HNRNPA1L2: variants seen among roughly 807,000 people sequenced by gnomAD.
The protein encoded by HNRNPA1L2 is heterogeneous nuclear ribonucleoprotein A1 like 2.
In HNRNPA1L2, 10 loss-of-function variants were observed where a neutral mutation model predicts 18.2. That is an observed-to-expected ratio of 0.55 (90% CI 0.34 to 0.93). The LOEUF is 0.93. HNRNPA1L2 is among the 40% of genes least tolerant of loss of function. HNRNPA1L2 has a pLI of 0.02. For missense variants in HNRNPA1L2, 308 were observed against 394.4 expected (o/e 0.78, Z 1.85); for synonymous variants, 124 against 138.6 (o/e 0.89, Z 0.74).
chr13:52,621,276 C>T, the HNRNPA1L2 span, among the ~76,000 whole-genome samples: 4 of 152,148 alleles, frequency 2.6e-5, no homozygotes, highest in African/African-American at 7.2e-5. Context: ...TTATAGCCAT[C>T]GATTATTTTC....
the HNRNPA1L2 span, among the ~76,000 whole-genome samples, chr13:52,630,874 G>A: frequency 1.5e-3 from 227 of 152,302 alleles, no homozygotes; most frequent in Non-Finnish European, 2.0e-3. Flanking sequence ...AACTGAGTCA[G>A]TTAATACCGG....
At chr13:52,623,863 C>T in the HNRNPA1L2 span, among the ~76,000 whole-genome samples, 1 of 152,198 alleles carries the variant, frequency 6.6e-6, no homozygotes, top group South Asian at 2.1e-4. Context: ...CGGGGAAGGC[C>T]AGTCTGTGCT....
the HNRNPA1L2 span, among the ~76,000 whole-genome samples, chr13:52,635,204 T>C: frequency 1.3e-5 from 2 of 152,022 alleles, no homozygotes; most frequent in Non-Finnish European, 2.9e-5. Context: ...TAGAAACCGA[T>C]TCAGAAAAAG....
chr13:52,643,723 T>G lies in HNRNPA1L2; in HGVS notation c.*268T>G, dbSNP rs796921596. 13 of 515,946 alleles carry G rather than the reference T, an allele frequency of 2.5e-5. No homozygotes were observed. The highest frequency in any genetic ancestry group is 2.5e-4 in the African/African-American group (13 of 51,890). 32.0% of individuals were successfully genotyped at this position (515,946 alleles called of 1,614,324 possible). On this transcript the variant is annotated 3_prime_UTR_variant, in exon 1 of 1. Transcript: ENST00000357495. ...GTGTTTTAATGTAGATTTTTTTTTT[T>G]GCACCCATGCTGTTGATTGCTAAAT...
the HNRNPA1L2 span, among the ~76,000 whole-genome samples, chr13:52,631,789 T>C: frequency 6.6e-6 from 1 of 152,196 alleles, no homozygotes; most frequent in East Asian, 1.9e-4. Context: ...CATAAAACAG[T>C]TGATTATCAA....
At chr13:52,638,001 T>C (rs556933002), upstream of HNRNPA1L2, among the ~76,000 whole-genome samples, 2 of 152,266 alleles carry the variant, frequency 1.3e-5, no homozygotes, top group South Asian at 2.1e-4. Flanking sequence ...ATAATTCTTA[T>C]ACAAAAACAA....
chr13:52,640,039 C>T (rs1961606143), upstream of HNRNPA1L2, among the ~76,000 whole-genome samples: 4 of 152,134 alleles, frequency 2.6e-5, no homozygotes, highest in South Asian at 8.3e-4. Context: ...TCCCAGGGTT[C>T]AAGCAATCCT....
the HNRNPA1L2 span, among the ~76,000 whole-genome samples, chr13:52,634,861 A>G: frequency 6.6e-6 from 1 of 152,190 alleles, no homozygotes; most frequent in African/African-American, 2.4e-5. Context: ...GAGGGTTAGT[A>G]TGTACATCTG....
the HNRNPA1L2 span, among the ~76,000 whole-genome samples, chr13:52,628,494 A>T: frequency 6.6e-6 from 1 of 152,220 alleles, no homozygotes; most frequent in Admixed American, 6.5e-5. Flanking sequence ...CTGTACTGTC[A>T]GTTCAGTGAC....
chr13:52,630,058 A>G, the HNRNPA1L2 span, among the ~76,000 whole-genome samples: 4 of 152,356 alleles, frequency 2.6e-5, no homozygotes, highest in South Asian at 2.1e-4. Context: ...ACTGTACCCT[A>G]TAGCTTAAAA....
the HNRNPA1L2 span, among the ~76,000 whole-genome samples, chr13:52,628,553 C>T: frequency 6.6e-6 from 1 of 152,100 alleles, no homozygotes; most frequent in Admixed American, 6.5e-5. Context: ...ATAAATACAT[C>T]TATCTTGGTT....
chr13:52,635,761 C>A, the HNRNPA1L2 span, among the ~76,000 whole-genome samples: 2 of 152,068 alleles, frequency 1.3e-5, no homozygotes, highest in African/African-American at 4.8e-5. Context: ...TGAGATTCAT[C>A]CATGCTGTAA....
chr13:52,622,876 A>G, the HNRNPA1L2 span, among the ~76,000 whole-genome samples: 3 of 151,988 alleles, frequency 2.0e-5, no homozygotes, highest in Non-Finnish European at 4.4e-5. Context: ...TTTTAATGAT[A>G]CATAATGATG....
At chr13:52,641,338 G>A (rs1459915207), upstream of HNRNPA1L2, 1 of 152,174 alleles carries the variant, frequency 6.6e-6, no homozygotes, top group South Asian at 2.1e-4. Context: ...GTCACTAAGA[G>A]TAACCAATTT....
chr13:52,634,863 G>A, the HNRNPA1L2 span, among the ~76,000 whole-genome samples: 1 of 152,320 alleles, frequency 6.6e-6, no homozygotes, highest in Non-Finnish European at 1.5e-5. Context: ...GGGTTAGTAT[G>A]TACATCTGAA....
At chr13:52,628,227 G>A in the HNRNPA1L2 span, among the ~76,000 whole-genome samples, 1 of 152,188 alleles carries the variant, frequency 6.6e-6, no homozygotes, top group Admixed American at 6.5e-5. Flanking sequence ...AGGATCACTT[G>A]AGGCCAGGAA....
In HNRNPA1L2 at chr13:52,643,161, T is replaced by C; in HGVS notation, c.669T>C (p.Ser223=). 3.1e-6 allele frequency: 5 copies of C among 1,598,024 alleles called. No individual in the cohort carries two copies. The highest frequency in any genetic ancestry group is 2.1e-4 in the Middle Eastern group (1 of 4,830). Reference sequence around the variant, plus strand: ...ACTTTGGTCGTGGAGGAAACTTCAGTGGTCGTGGTGGCTTTGGTGGCAGCT... The same window carrying C: ...ACTTTGGTCGTGGAGGAAACTTCAGCGGTCGTGGTGGCTTTGGTGGCAGCT... ...NDNFGRGGNF[S]GRGGFGGSCG... Residue 223 remains serine (S), a synonymous_variant, in exon 1 of 1, where the codon AGT becomes AGC. Coordinates refer to ENST00000357495, the MANE Select transcript of HNRNPA1L2 (RefSeq NM_001389320.1).
At chr13:52,628,010 C>T in the HNRNPA1L2 span, among the ~76,000 whole-genome samples, 1 of 151,868 alleles carries the variant, frequency 6.6e-6, no homozygotes, top group African/African-American at 2.4e-5. Context: ...TCCACTTACT[C>T]TCTTCATCTC....
the HNRNPA1L2 span, among the ~76,000 whole-genome samples, chr13:52,634,814 C>T: frequency 4.0e-5 from 6 of 151,602 alleles, no homozygotes; most frequent in East Asian, 3.9e-4. Context: ...ATTCAAATTC[C>T]GATTCTGCCT....
Sources: gnomAD v4.1 joint callset for allele counts (sites outside exome capture counted in the v4.1 genomes callset) on GRCh38, gnomAD v4.1.1 for gene constraint, MANE v1.5 for transcripts, NCBI Gene and HGNC (gene_info 2026-07-23, HGNC 2026-07-21) for gene names.